VMP1: variants seen among roughly 807,000 people sequenced by gnomAD.
VMP1 encodes ectopic P-granules autophagy protein 3 homolog.
In VMP1, 11 loss-of-function variants were observed where a neutral mutation model predicts 56.0. That is an observed-to-expected ratio of 0.20 (90% CI 0.12 to 0.32). The LOEUF is 0.32. VMP1 is among the 10% of genes least tolerant of loss of function. The probability of loss-of-function intolerance (pLI) is 1.00; values close to 1 mark genes in which losing one functional copy is unlikely to be tolerated. For missense variants in VMP1, 296 were observed against 490.3 expected, an observed-to-expected ratio of 0.60 and a Z score of 3.74; for synonymous variants, 149 against 165.0, an observed-to-expected ratio of 0.90 and a Z score of 0.74.
intron 9 of VMP1, 40 bp from the exon 10 acceptor site, chr17:59,817,672 A>T (rs2038292396): frequency 6.8e-7 from 1 of 1,480,556 alleles, no homozygotes; most frequent in Admixed American, 1.8e-5. Context: ...TGGTTTTTTG[A>T]TGACTAAATA....
chr17:59,712,745 G>A (rs1200134526), intron 1 of VMP1, among the ~76,000 whole-genome samples: 1 of 152,202 alleles, frequency 6.6e-6, no homozygotes, highest in East Asian at 1.9e-4. Context: ...GAATTTTGCA[G>A]GCCAAGGGAA....
chr17:59,805,341 T>C (rs1324557105), intron 7 of VMP1, among the ~76,000 whole-genome samples: 15 of 152,224 alleles, frequency 9.9e-5, no homozygotes, highest in Admixed American at 7.9e-4. Context: ...TCCTCTTTGT[T>C]AGTAATGATC....
At chr17:59,725,563 A>C (rs1301266588) in intron 1 of VMP1, among the ~76,000 whole-genome samples, 3 of 151,962 alleles carry the variant, frequency 2.0e-5, no homozygotes, top group Non-Finnish European at 2.9e-5. Flanking sequence ...AAAAAAAAAA[A>C]AAAAGGGTTT....
intron 10 of VMP1, among the ~76,000 whole-genome samples, chr17:59,821,582 G>A (rs1046500544): frequency 1.6e-5 from 2 of 123,494 alleles, no homozygotes; most frequent in East Asian, 2.3e-4. Context: ...TTTCACTCTC[G>A]TTGCCCAGGC....
chr17:59,769,547 G>T (rs529281145), intron 6 of VMP1, among the ~76,000 whole-genome samples: 1 of 152,274 alleles, frequency 6.6e-6, no homozygotes, highest in South Asian at 2.1e-4. Context: ...ATCTTTGAAT[G>T]AATCTTTGAA....
chr17:59,787,710 A>G (rs9911575), intron 7 of VMP1, among the ~76,000 whole-genome samples: 6,789 of 152,116 alleles, frequency 0.045, 499 homozygotes, highest in African/African-American at 0.15. Context: ...TAATCCTGCT[A>G]CTCAGGAGGC....
At position 59,825,140 on chromosome 17, in the gene VMP1, G is replaced by A. The variant is rs555950822; in HGVS notation, c.974+7367G>A. Among the ~76,000 whole-genome samples the A allele has an allele frequency of 9.1e-4, 126 of 138,174 alleles. 1 individual carries two copies. The highest frequency in any genetic ancestry group is 1.4e-3 in the Non-Finnish European group (95 of 66,004). The allele number at this position is 138,174 out of a possible 152,430, so 90.6% of individuals were successfully genotyped here. On this transcript the variant is annotated intron_variant, in intron 10 of 11. Transcript: ENST00000262291. ...TTTGTTCTATTGCCCAGGCTGGAGCGCTGTGGTGCAATCTCGACCCACTGC... is the reference window on the plus strand; with the variant it reads ...TTTGTTCTATTGCCCAGGCTGGAGCACTGTGGTGCAATCTCGACCCACTGC...
intron 8 of VMP1, among the ~76,000 whole-genome samples, chr17:59,809,099 A>T (rs1421765962): frequency 2.0e-5 from 3 of 151,242 alleles, no homozygotes; most frequent in African/African-American, 7.3e-5. Context: ...TCCTGGGCTC[A>T]AGCAATTCTC....
intron 1 of VMP1, among the ~76,000 whole-genome samples, chr17:59,712,366 T>C (rs1396289714): frequency 6.6e-6 from 1 of 152,260 alleles, no homozygotes; most frequent in Non-Finnish European, 1.5e-5. Context: ...TGGGCCATTC[T>C]GTTAACTTTT....
intron 1 of VMP1, 177 bp downstream of exon 1, chr17:59,707,925 C>G (rs999658500): frequency 2.6e-5 from 4 of 152,334 alleles, no homozygotes; most frequent in African/African-American, 9.6e-5. Context: ...CTCACGCTGG[C>G]GGTAGCCAGG....
chr17:59,807,532 T>C (rs1338291895), intron 7 of VMP1, among the ~76,000 whole-genome samples: 4 of 151,800 alleles, frequency 2.6e-5, no homozygotes, highest in South Asian at 2.1e-4. Flanking sequence ...TTTATTGTCT[T>C]TTAGAAAGTT....
chr17:59,807,965 A>G (rs2037909473), intron 7 of VMP1, among the ~76,000 whole-genome samples: 1 of 152,106 alleles, frequency 6.6e-6, no homozygotes. Flanking sequence ...TTTTTGTCTT[A>G]TGAACTATTT....
intron 10 of VMP1, among the ~76,000 whole-genome samples, chr17:59,832,015 T>C (rs2038823409): frequency 6.6e-6 from 1 of 151,920 alleles, no homozygotes; most frequent in Non-Finnish European, 1.5e-5. Flanking sequence ...CCAGATTAGC[T>C]GGGACTACAG....
intron 4 of VMP1, 58 bp from the exon 5 acceptor site, chr17:59,738,779 T>C: frequency 8.2e-7 from 1 of 1,215,042 alleles, no homozygotes; most frequent in South Asian, 1.3e-5. Context: ...TGATGGTTTA[T>C]AAATACCGCA....
intron 7 of VMP1, among the ~76,000 whole-genome samples, chr17:59,777,803 G>C (rs1266004381): frequency 6.7e-6 from 1 of 149,020 alleles, no homozygotes; most frequent in African/African-American, 2.5e-5. Context: ...GACACAGCAA[G>C]ACTCCGTCTC....
At chr17:59,713,484 A>G (rs1360860484) in intron 1 of VMP1, among the ~76,000 whole-genome samples, 2 of 152,086 alleles carry the variant, frequency 1.3e-5, no homozygotes, top group African/African-American at 4.8e-5. Context: ...AATACGGGAT[A>G]GTATTTTCAA....
chr17:59,829,927 GT>G (rs2038758230), intron 10 of VMP1, among the ~76,000 whole-genome samples: 1 of 152,202 alleles, frequency 6.6e-6, no homozygotes, highest in Admixed American at 6.5e-5. Context: ...GTCTACTCCT[GT>G]GCTCCTGGGC....
chr17:59,794,517 ATTTTTTTTTTTT>A (rs71145572), intron 7 of VMP1, among the ~76,000 whole-genome samples: 2 of 43,090 alleles, frequency 4.6e-5, no homozygotes, highest in Non-Finnish European at 7.4e-5. Context: ...CGCGCCCTGC[ATTTTTTTTTTTT>A]TTTTTTTTTT....
At chr17:59,717,325 A>G (rs2034201522) in intron 1 of VMP1, among the ~76,000 whole-genome samples, 1 of 152,016 alleles carries the variant, frequency 6.6e-6, no homozygotes, top group Non-Finnish European at 1.5e-5. Flanking sequence ...GTTATGAAAA[A>G]CTGCAGGAAC....
Sources: gnomAD v4.1 joint callset for allele counts (sites outside exome capture counted in the v4.1 genomes callset) on GRCh38, gnomAD v4.1.1 for gene constraint, MANE v1.5 for transcripts, NCBI Gene and HGNC (gene_info 2026-07-23, HGNC 2026-07-21) for gene names.